CCDC7: variants seen among roughly 807,000 people sequenced by gnomAD.
CCDC7 encodes the protein coiled-coil domain containing 7.
Under a neutral mutation model 196.9 loss-of-function variants are expected in CCDC7, and 183 were observed. The observed-to-expected ratio is 0.93, with a 90% CI of 0.82 to 1.05. The LOEUF is 1.05. Among genes scored for constraint, CCDC7 ranks in the 50% least tolerant of loss-of-function variants. The pLI is 0.00. For missense variants in CCDC7, 1,540 were observed against 1,482.2 expected, an observed-to-expected ratio of 1.04 and a Z score of -0.64; for synonymous variants, 525 against 484.6, an observed-to-expected ratio of 1.08 and a Z score of -1.10.
chr10:32,594,808 CAT>C lies in CCDC7; in HGVS notation c.1801+10505_1801+10506del, dbSNP rs544054363. ...CCTTTTCTGCATCTGTTGAGATAAT[CAT>C]GTGGTTTTTGTCATTGGTTCTGTTT... is the stretch of plus-strand genomic sequence containing the variant. On this transcript the variant is annotated intron_variant, in intron 18 of 41. Coordinates refer to ENST00000639629, the Ensembl canonical transcript of CCDC7. 9.0e-4 allele frequency among the ~76,000 whole-genome samples: 137 copies of C among 152,288 alleles called. 1 individual carries two copies. Among genetic ancestry groups the C allele is most frequent in the African/African-American group, 3.0e-3 (125 of 41,556 alleles).
intron 3 of CCDC7, among the ~76,000 whole-genome samples, chr10:32,461,703 G>GTGTATATATATATATATATA (rs1234210384): frequency 2.4e-5 from 1 of 42,444 alleles, no homozygotes; most frequent in African/African-American, 6.7e-5. Flanking sequence ...GTGTGTGTGT[G>GTGTATATATATATATATATA]TGTGTGTATA....
intron 33 of CCDC7, among the ~76,000 whole-genome samples, chr10:32,836,572 ATTC>A (rs2092618522): frequency 3.3e-5 from 5 of 152,106 alleles, no homozygotes; most frequent in Non-Finnish European, 5.9e-5. Flanking sequence ...AATGATTACC[ATTC>A]TAACTGGTGT....
At chr10:32,871,564 T>C (rs973587119) in intron 41 of CCDC7, among the ~76,000 whole-genome samples, 2 of 151,448 alleles carry the variant, frequency 1.3e-5, no homozygotes, top group Non-Finnish European at 2.9e-5. Context: ...CCTGGATTCA[T>C]TGATTTTTTG....
chr10:32,655,444 T>C (rs2069625419), intron 20 of CCDC7, among the ~76,000 whole-genome samples: 1 of 152,192 alleles, frequency 6.6e-6, no homozygotes, highest in African/African-American at 2.4e-5. Context: ...TGATATCTCA[T>C]TGTGGCTTTA....
At chr10:32,698,863 G>T (rs1392000914) in intron 24 of CCDC7, among the ~76,000 whole-genome samples, 2 of 152,128 alleles carry the variant, frequency 1.3e-5, no homozygotes, top group African/African-American at 4.8e-5. Flanking sequence ...ACGCCACAAA[G>T]TTACTCCTCG....
chr10:32,659,680 G>C (rs1330110879), intron 20 of CCDC7, among the ~76,000 whole-genome samples: 1 of 152,012 alleles, frequency 6.6e-6, no homozygotes, highest in Admixed American at 6.6e-5. Flanking sequence ...GACATGAATG[G>C]ACACTTCCAA....
chr10:32,754,536 GC>G (rs1342787570), intron 28 of CCDC7, among the ~76,000 whole-genome samples: 1 of 152,050 alleles, frequency 6.6e-6, no homozygotes, highest in African/African-American at 2.4e-5. Flanking sequence ...CTAAAACTTG[GC>G]AACAATAACA....
intron 21 of CCDC7, among the ~76,000 whole-genome samples, chr10:32,683,292 C>G (rs966701302): frequency 9.2e-5 from 14 of 152,272 alleles, no homozygotes; most frequent in African/African-American, 3.1e-4. Flanking sequence ...TGTCGAAGAT[C>G]AGATGGTTGT....
intron 24 of CCDC7, among the ~76,000 whole-genome samples, chr10:32,703,302 G>C (rs1300700775): frequency 6.6e-6 from 1 of 152,044 alleles, no homozygotes; most frequent in Non-Finnish European, 1.5e-5. Flanking sequence ...ATGAAATTCT[G>C]AGTTGAAAAT....
intron 32 of CCDC7, among the ~76,000 whole-genome samples, chr10:32,828,922 G>A (rs2091796865): frequency 6.6e-6 from 1 of 152,146 alleles, no homozygotes; most frequent in Non-Finnish European, 1.5e-5. Flanking sequence ...TCCAGAGGGA[G>A]GAACGCTGCC....
intron 5 of CCDC7, among the ~76,000 whole-genome samples, chr10:32,469,440 TG>T (rs1018992477): frequency 4.6e-5 from 7 of 152,298 alleles, no homozygotes; most frequent in Admixed American, 2.6e-4. Context: ...CATCACTACA[TG>T]GCAGAGAAGT....
chr10:32,704,135 T>A (rs982685934), intron 24 of CCDC7, among the ~76,000 whole-genome samples: 1 of 152,110 alleles, frequency 6.6e-6, no homozygotes, highest in Non-Finnish European at 1.5e-5. Flanking sequence ...TTTTTCCCCA[T>A]CTTTGTTATC....
chr10:32,878,380 TGAACCAGTCA>T, downstream of CCDC7, among the ~76,000 whole-genome samples: 1 of 152,114 alleles, frequency 6.6e-6, no homozygotes, highest in Non-Finnish European at 1.5e-5. Context: ...TGCTTGAATA[TGAACCAGTCA>T]TTAGACTGGT....
At chr10:32,465,834 T>A (rs2036654102) in intron 5 of CCDC7, among the ~76,000 whole-genome samples, 1 of 152,222 alleles carries the variant, frequency 6.6e-6, no homozygotes, top group Admixed American at 6.5e-5. Flanking sequence ...TTTTTACTCC[T>A]AAACTCATAT....
intron 32 of CCDC7, among the ~76,000 whole-genome samples, chr10:32,826,193 C>A (rs557038297): frequency 6.6e-6 from 1 of 152,242 alleles, no homozygotes; most frequent in East Asian, 1.9e-4. Context: ...CCCAGCAGTC[C>A]CCTAGAAGTG....
intron 20 of CCDC7, among the ~76,000 whole-genome samples, chr10:32,657,634 C>G (rs1398855233): frequency 6.6e-6 from 1 of 152,120 alleles, no homozygotes; most frequent in Non-Finnish European, 1.5e-5. Flanking sequence ...ATTTTTTCCT[C>G]CTAGGCCTCT....
At chr10:32,882,280 A>T (rs191171494) in intron 22 of CCDC7, among the ~76,000 whole-genome samples, 142 of 152,268 alleles carry the variant, frequency 9.3e-4, no homozygotes, top group African/African-American at 3.2e-3. Flanking sequence ...GCCTAACAAG[A>T]TTCTTCTTAG....
rs914970182 is a variant in CCDC7 at position 32,462,869 on chromosome 10, T to G, written c.478-148T>G. On this transcript the variant is annotated intron_variant, in intron 4 of 41. Transcript: ENST00000639629. ...TTTGTATAGTGCATTAGCCCCATTC[T>G]GAATCCCAAGTGATGTTTCGGTCAG... 2.2e-6 allele frequency: 3 copies of G among 1,336,734 alleles called. No homozygotes were observed. In the African/African-American group the frequency reaches 4.5e-5, roughly 20 times the overall value. The allele number at this position is 1,336,734 out of a possible 1,614,324, so 82.8% of individuals were successfully genotyped here.
At position 32,700,023 on chromosome 10, in the gene CCDC7, T is replaced by C. The variant is rs1033966411; in HGVS notation, c.2458+5031T>C. 2.0e-5 allele frequency among the ~76,000 whole-genome samples: 3 copies of C among 149,540 alleles called. 1 individual carries two copies. Among genetic ancestry groups the C allele is most frequent in the African/African-American group, 7.7e-5 (3 of 38,860 alleles). ...GTAGGTTGCCTGTTCACTCTGATGG[T>C]AGTTTCTTTTGCTGTGCAGAAGCTC... On this transcript the variant is annotated intron_variant, in intron 24 of 41. Transcript: ENST00000639629.
Sources: gnomAD v4.1 joint callset for allele counts (sites outside exome capture counted in the v4.1 genomes callset) on GRCh38, gnomAD v4.1.1 for gene constraint, MANE v1.5 for transcripts, NCBI Gene and HGNC (gene_info 2026-07-23, HGNC 2026-07-21) for gene names.